Variants in LRBA observed in about 807,000 individuals in gnomAD.
The protein encoded by LRBA is lipopolysaccharide-responsive and beige-like anchor protein.
Under a neutral mutation model 330.0 loss-of-function variants are expected in LRBA, and 176 were observed. The ratio of observed to expected loss-of-function variants is 0.53; its 90% CI spans 0.47 to 0.60. LRBA has a LOEUF of 0.60. Ranked by LOEUF, LRBA falls within the 20% of genes least tolerant of loss-of-function variation. The pLI, the probability that LRBA is intolerant of heterozygous loss-of-function variation, is 0.00. For synonymous variants in LRBA, 1,230 were observed against 1,193.0 expected (o/e 1.03, Z -0.64); for missense variants, 3,259 against 3,444.8 (o/e 0.95, Z 1.35).
At chr4:150,991,873 G>A (rs568821592) in intron 2 of LRBA, among the ~76,000 whole-genome samples, 6 of 152,284 alleles carry the variant, frequency 3.9e-5, no homozygotes, top group African/African-American at 9.6e-5. Context: ...ATGATCTAAT[G>A]AGAGAAATAT....
intron 40 of LRBA, among the ~76,000 whole-genome samples, chr4:150,495,291 A>T (rs1759458201): frequency 6.6e-6 from 1 of 152,126 alleles, no homozygotes; most frequent in Non-Finnish European, 1.5e-5. Flanking sequence ...TATGTTTTCA[A>T]ACCTGATATA....
chr4:150,880,397 G>A (rs1341589515), intron 17 of LRBA, among the ~76,000 whole-genome samples: 1 of 152,022 alleles, frequency 6.6e-6, no homozygotes, highest in Admixed American at 6.6e-5. Flanking sequence ...GCACATGCCT[G>A]TAATCCCAGC....
intron 2 of LRBA, among the ~76,000 whole-genome samples, chr4:151,001,332 C>T (rs942010902): frequency 1.3e-5 from 2 of 152,142 alleles, no homozygotes; most frequent in South Asian, 4.1e-4. Flanking sequence ...CACTGCTGCC[C>T]CTCACCCAAT....
intron 47 of LRBA, among the ~76,000 whole-genome samples, chr4:150,395,416 G>C (rs751391967): frequency 1.3e-5 from 2 of 151,928 alleles, no homozygotes; most frequent in Non-Finnish European, 2.9e-5. Flanking sequence ...CTAGAATCTA[G>C]AATGTCTTCT....
At chr4:151,007,467 T>C (rs1744213377) in intron 2 of LRBA, among the ~76,000 whole-genome samples, 2 of 145,074 alleles carry the variant, frequency 1.4e-5, no homozygotes, top group African/African-American at 2.6e-5. Flanking sequence ...ATCGCGCCAC[T>C]GCACTCCAGC....
At chr4:150,986,476 T>C (rs1278381408) in intron 2 of LRBA, among the ~76,000 whole-genome samples, 2 of 152,182 alleles carry the variant, frequency 1.3e-5, no homozygotes, top group African/African-American at 4.8e-5. Flanking sequence ...GGCCTCCTTC[T>C]TAACCATCAG....
intron 30 of LRBA, among the ~76,000 whole-genome samples, chr4:150,825,470 G>T (rs1185997365): frequency 2.0e-5 from 3 of 152,230 alleles, no homozygotes; most frequent in African/African-American, 7.2e-5. Flanking sequence ...AGGTTCAAGC[G>T]ATTCTCCTGC....
intron 40 of LRBA, among the ~76,000 whole-genome samples, chr4:150,497,588 G>C (rs1759742448): frequency 6.6e-6 from 1 of 152,014 alleles, no homozygotes; most frequent in African/African-American, 2.4e-5. Flanking sequence ...ATGTAGTATA[G>C]TATTCATAGC....
At chr4:150,769,238 C>T (rs1736211265) in intron 34 of LRBA, among the ~76,000 whole-genome samples, 2 of 152,050 alleles carry the variant, frequency 1.3e-5, no homozygotes, top group African/African-American at 4.8e-5. Context: ...AGCCACCATG[C>T]CCGGCCTATC....
intron 36 of LRBA, among the ~76,000 whole-genome samples, chr4:150,699,916 G>A (rs561781477): frequency 3.9e-5 from 6 of 152,056 alleles, no homozygotes; most frequent in Admixed American, 6.6e-5. Context: ...ACTGGTAGAG[G>A]TTGAGTATCC....
rs903015811 is a variant in LRBA, at chr4:150,896,449, C to T, written c.2012G>A (p.Gly671Glu). 8.5e-6 allele frequency: 13 copies of T among 1,530,930 alleles called. No homozygotes were observed. Among genetic ancestry groups the T allele is most frequent in the Non-Finnish European group, 1.2e-5 (13 of 1,116,702 alleles). The allele number at this position is 1,530,930 out of a possible 1,614,324, so 94.8% of individuals were successfully genotyped here. A position where few individuals can be genotyped will look rare whatever the true frequency, so the allele number is the denominator to read the frequency against. Reference sequence around the variant, plus strand: ...GGCCTGTAATTCATCTTCCTTTACTCCAGAATCCTTCAAAAACATAATACA... The same window carrying T: ...GGCCTGTAATTCATCTTCCTTTACTTCAGAATCCTTCAAAAACATAATACA... Reference protein sequence around the residue: ...FIKQLVMKDSGVKEDELQAIL... With the variant: ...FIKQLVMKDSEVKEDELQAIL... The change falls in exon 16 of 57, where the codon GGA becomes GAA. Residue 671 changes from glycine (G) to glutamate (E), a missense_variant. Coordinates refer to ENST00000651943, the MANE Select transcript of LRBA (RefSeq NM_001364905.1).
chr4:150,604,911 A>G (rs7689169), intron 37 of LRBA, among the ~76,000 whole-genome samples: 2,750 of 152,336 alleles, frequency 0.018, 91 homozygotes, highest in African/African-American at 0.061. Context: ...CCCTTCAGAC[A>G]CTATCAGTGG....
chr4:150,947,810 G>A (rs189043421), intron 2 of LRBA, among the ~76,000 whole-genome samples: 5 of 152,100 alleles, frequency 3.3e-5, no homozygotes, highest in Admixed American at 2.0e-4. Flanking sequence ...GCAAGGTAAC[G>A]GGTTACCAGA....
intron 37 of LRBA, among the ~76,000 whole-genome samples, chr4:150,681,233 T>C (rs1183153469): frequency 6.6e-6 from 1 of 152,196 alleles, no homozygotes; most frequent in African/African-American, 2.4e-5. Flanking sequence ...TTATGCTAAG[T>C]GAAGAACAAA....
At position 150,808,326 on chromosome 4, in the gene LRBA, T is replaced by C. The variant is rs1478169570; in HGVS notation, c.5378A>G (p.Asn1793Ser). The C allele has an allele frequency of 6.2e-7, 1 of 1,610,352 alleles. No individual in the cohort carries two copies. Among genetic ancestry groups the C allele is most frequent in the African/African-American group, 1.3e-5 (1 of 74,828 alleles). Residue 1793 changes from asparagine (N) to serine (S), a missense_variant, in exon 32 of 57, where the codon AAT (asparagine) becomes AGT (serine). Asn to Ser is a conservative substitution (Grantham distance 46). Transcript: ENST00000651943. Reference sequence around the variant, plus strand: ...AAGTTAGTAGCTTAAATACCTCATATTTGAAACCGGATCTTGTGAAACTGA... The same window carrying C: ...AAGTTAGTAGCTTAAATACCTCATACTTGAAACCGGATCTTGTGAAACTGA... ...VDSVSQDPVS[N>S]MSITERLEHA...
chr4:150,590,237 G>A lies in LRBA; in HGVS notation c.6193+476C>T, dbSNP rs60700095. On this transcript the variant is annotated intron_variant, in intron 39 of 56. Transcript: ENST00000651943. ...AAAATTCCTACATCAGGCAAAATAC[G>A]TGAATGTTGTGAAAAGCCATGGCAT... Among the ~76,000 whole-genome samples the A allele has an allele frequency of 2.9e-4, 44 of 152,054 alleles. No homozygotes were observed. The East Asian group carries it at 7.0e-3, about 24-fold the overall frequency.
At chr4:150,902,762 G>A (rs1478500738) in intron 13 of LRBA, among the ~76,000 whole-genome samples, 1 of 152,002 alleles carries the variant, frequency 6.6e-6, no homozygotes, top group Non-Finnish European at 1.5e-5. Context: ...CTTTGTTCAA[G>A]ACACCAAGAA....
intron 37 of LRBA, among the ~76,000 whole-genome samples, chr4:150,662,797 T>C (rs973556240): frequency 2.6e-5 from 4 of 151,778 alleles, no homozygotes; most frequent in Admixed American, 1.3e-4. Flanking sequence ...CGAGATTCTG[T>C]CTCTACAAAA....
intron 34 of LRBA, among the ~76,000 whole-genome samples, chr4:150,779,054 C>G (rs1737808658): frequency 6.6e-6 from 1 of 152,122 alleles, no homozygotes; most frequent in Non-Finnish European, 1.5e-5. Context: ...TGGGTGCAAA[C>G]AGGTTTCTTC....
Sources: gnomAD v4.1 joint callset for allele counts (sites outside exome capture counted in the v4.1 genomes callset) on GRCh38, gnomAD v4.1.1 for gene constraint, MANE v1.5 for transcripts, NCBI Gene and HGNC (gene_info 2026-07-23, HGNC 2026-07-21) for gene names.